Variants in LCP2 observed in about 807,000 individuals in gnomAD.
LCP2 encodes the protein lymphocyte cytosolic protein 2.
A neutral mutation model predicts 74.5 loss-of-function variants in LCP2; 29 were observed. That is an observed-to-expected ratio of 0.39 (90% confidence interval 0.29 to 0.53). The LOEUF is 0.53. Among genes scored for constraint, LCP2 ranks in the 20% least tolerant of loss-of-function variants. The pLI is 0.72. For missense variants in LCP2, 604 were observed against 634.6 expected, an observed-to-expected ratio of 0.95 and a Z score of 0.52; for synonymous variants, 228 against 229.5, an observed-to-expected ratio of 0.99 and a Z score of 0.06.
In LCP2 at chr5:170,274,285, C is replaced by T. The variant is rs1761948098; in HGVS notation, c.324+16G>A. 6.2e-7 allele frequency: 1 copy of T among 1,612,398 alleles called. No individual in the cohort carries two copies. The highest frequency in any genetic ancestry group is 1.3e-5 in the African/African-American group (1 of 74,890). On this transcript the variant is annotated intron_variant, in intron 6 of 20. Coordinates refer to ENST00000046794, the MANE Select transcript of LCP2 (RefSeq NM_005565.5). ...CACTGCTGTAAAGGTGCAAGAACAG[C>T]CCACACCATACTCACAAAGGACGAC... is the stretch of plus-strand genomic sequence containing the variant.
chr5:170,266,098 T>C (rs941090151), intron 10 of LCP2, among the ~76,000 whole-genome samples: 22 of 152,358 alleles, frequency 1.4e-4, no homozygotes, highest in African/African-American at 5.1e-4. Context: ...GGTGTATTTG[T>C]GGTAGGTAGA....
intron 20 of LCP2, among the ~76,000 whole-genome samples, chr5:170,249,290 C>T (rs913142361): frequency 6.6e-6 from 1 of 150,938 alleles, no homozygotes; most frequent in Non-Finnish European, 1.5e-5. Flanking sequence ...GCGCCATTGC[C>T]GCACTCCAGC....
At chr5:170,267,965 C>T (rs1761798844) in intron 8 of LCP2, among the ~76,000 whole-genome samples, 1 of 152,104 alleles carries the variant, frequency 6.6e-6, no homozygotes, top group Admixed American at 6.5e-5. Context: ...GCTGTATGCT[C>T]GAAGAAGGAG....
intron 10 of LCP2, among the ~76,000 whole-genome samples, chr5:170,265,690 G>C (rs1761741598): frequency 6.6e-6 from 1 of 152,182 alleles, no homozygotes; most frequent in African/African-American, 2.4e-5. Flanking sequence ...ATGTAGTTCG[G>C]GGAAAGAGCA....
In LCP2 at chr5:170,252,021, A is replaced by G; in HGVS notation, c.1323+413T>C. The G allele has an allele frequency of 1.5e-5, 3 of 199,772 alleles. No homozygotes were observed. In the East Asian group the frequency reaches 3.2e-4, roughly 22 times the overall value. The allele number at this position is 199,772 out of a possible 1,614,324, so 12.4% of individuals were successfully genotyped here. On this transcript the variant is annotated intron_variant, in intron 19 of 20. Coordinates refer to ENST00000046794, the MANE Select transcript of LCP2 (RefSeq NM_005565.5). ...TAGAAACGTCTAGGGCAAAAAGCAA[A>G]AAGTTGCTGCCATCTCTTTAATATT...
intron 9 of LCP2, 58 bp from the exon 10 acceptor site, chr5:170,266,949 G>A (rs1426061390): frequency 1.9e-6 from 3 of 1,610,422 alleles, no homozygotes; most frequent in Non-Finnish European, 2.5e-6. Context: ...CTGGGGGTTG[G>A]GCGGGGCTAG....
chr5:170,247,381 T>C lies in LCP2; in HGVS notation c.*1316A>G, dbSNP rs925371746. ...TTTTAACATATCATCAGTTTTAAAA[T>C]GGTGACTTCTTAGATTCCTTCCAAT... is the stretch of plus-strand genomic sequence containing the variant. On this transcript the variant is annotated 3_prime_UTR_variant, in exon 21 of 21. Coordinates refer to ENST00000046794, the MANE Select transcript of LCP2 (RefSeq NM_005565.5). The C allele has an allele frequency of 3.3e-5, 5 of 152,252 alleles. No individual in the cohort carries two copies. Among genetic ancestry groups the C allele is most frequent in the African/African-American group, 9.6e-5 (4 of 41,470 alleles). The allele number at this position is 152,252 out of a possible 1,614,324, so 9.4% of individuals were successfully genotyped here.
intron 13 of LCP2, 69 bp from the exon 14 acceptor site, chr5:170,261,206 A>T (rs1761644292): frequency 8.3e-7 from 1 of 1,207,322 alleles, no homozygotes; most frequent in Non-Finnish European, 1.2e-6. Flanking sequence ...CTTAGAATAC[A>T]GTTTTGCTTC....
Position 170,267,936 on chromosome 5 carries a change from T to A in LCP2, c.621+449A>T, listed in dbSNP as rs115995221. Reference sequence around the variant, plus strand: ...TTCTCAGGGTCACTCTGGGAACTTATCAGATTCACAAGGACCGGGCTGTAT... The same window carrying A: ...TTCTCAGGGTCACTCTGGGAACTTAACAGATTCACAAGGACCGGGCTGTAT... On this transcript the variant is annotated intron_variant, in intron 8 of 20. Coordinates refer to ENST00000046794, the MANE Select transcript of LCP2 (RefSeq NM_005565.5). Among the ~76,000 whole-genome samples, 608 of 152,274 alleles carry A rather than the reference T, an allele frequency of 4.0e-3. 3 individuals are homozygous for A. The highest frequency in any genetic ancestry group is 0.014 in the African/African-American group (577 of 41,542).
intron 1 of LCP2, among the ~76,000 whole-genome samples, chr5:170,295,123 C>A (rs760975646): frequency 6.6e-6 from 1 of 152,218 alleles, no homozygotes; most frequent in Non-Finnish European, 1.5e-5. Context: ...GGGATTAGGA[C>A]ACACAGCTCT....
At chr5:170,296,144 G>A (rs142698745) in intron 1 of LCP2, among the ~76,000 whole-genome samples, 1 of 152,096 alleles carries the variant, frequency 6.6e-6, no homozygotes, top group East Asian at 1.9e-4. Context: ...TTCCCTCTTG[G>A]CAAATTTTAC....
intron 19 of LCP2, chr5:170,251,941 T>C: frequency 8.0e-6 from 2 of 249,378 alleles, no homozygotes; most frequent in Non-Finnish European, 1.7e-5. Flanking sequence ...AAGGTAAAGT[T>C]TCGGCACTGG....
At position 170,280,374 on chromosome 5, in the gene LCP2, C is replaced by T. The variant is rs113277208; in HGVS notation, c.189-4514G>A. Among the ~76,000 whole-genome samples, 434 of 152,200 alleles carry T rather than the reference C, an allele frequency of 2.9e-3. 2 individuals are homozygous for T. The highest frequency in any genetic ancestry group is 9.2e-3 in the African/African-American group (380 of 41,514). On this transcript the variant is annotated intron_variant, in intron 3 of 20. Transcript: ENST00000046794. Reference sequence around the variant, plus strand: ...ACATTCCCACTCTCAGCCCTGCTCTCGCTCTGCATTCCAATCCTCCTTCCA... The same window carrying T: ...ACATTCCCACTCTCAGCCCTGCTCTTGCTCTGCATTCCAATCCTCCTTCCA...
chr5:170,273,166 TG>T (rs1355777029), intron 6 of LCP2, among the ~76,000 whole-genome samples: 1 of 152,148 alleles, frequency 6.6e-6, no homozygotes, highest in African/African-American at 2.4e-5. Flanking sequence ...TGCAAAGAGC[TG>T]GGCACATAAC....
chr5:170,277,167 C>A (rs757017170), intron 3 of LCP2, among the ~76,000 whole-genome samples: 16 of 151,866 alleles, frequency 1.1e-4, no homozygotes, highest in Non-Finnish European at 1.5e-4. Context: ...CACACCAGCA[C>A]CACAAGCTAG....
chr5:170,279,359 C>T (rs1237638724), intron 3 of LCP2, among the ~76,000 whole-genome samples: 1 of 152,194 alleles, frequency 6.6e-6, no homozygotes, highest in Non-Finnish European at 1.5e-5. Flanking sequence ...GTACAAGGTA[C>T]AGGGCCTGCA....
In LCP2 at chr5:170,247,063, A is replaced by G. The variant is rs1279562217; in HGVS notation, c.*1634T>C. ...TTCATTTTAGATATTTTTGAATTGT[A>G]AAGATAGAATACGGCAAAGCAAGAC... On this transcript the variant is annotated 3_prime_UTR_variant, in exon 21 of 21. Coordinates refer to ENST00000046794, the MANE Select transcript of LCP2 (RefSeq NM_005565.5). 1.3e-5 allele frequency: 2 copies of G among 152,210 alleles called. No individual in the cohort carries two copies. Among genetic ancestry groups the G allele is most frequent in the Admixed American group, 1.3e-4 (2 of 15,288 alleles). 9.4% of individuals were successfully genotyped at this position (152,210 alleles called of 1,614,324 possible).
At chr5:170,287,875 C>T (rs972601890) in intron 3 of LCP2, 95 bp downstream of exon 3, 43 of 1,142,472 alleles carry the variant, frequency 3.8e-5, no homozygotes, top group East Asian at 9.5e-5. Context: ...TATTTCAAGC[C>T]GACAATGACA....
At chr5:170,249,362 G>GTATATATATATA (rs72371153) in intron 20 of LCP2, among the ~76,000 whole-genome samples, 1,433 of 108,068 alleles carry the variant, frequency 0.013, 24 homozygotes, top group African/African-American at 0.041. Context: ...GCATGCGTGT[G>GTATATATATATA]TATATATATA....
Sources: gnomAD v4.1 joint callset for allele counts (sites outside exome capture counted in the v4.1 genomes callset) on GRCh38, gnomAD v4.1.1 for gene constraint, MANE v1.5 for transcripts, NCBI Gene and HGNC (gene_info 2026-07-23, HGNC 2026-07-21) for gene names.